The following SMC2 variants were observed in gnomAD, a reference collection of about 807,000 sequenced individuals.
SMC2 encodes structural maintenance of chromosomes 2.
In SMC2, 41 loss-of-function variants were observed where a neutral mutation model predicts 142.6. The observed-to-expected ratio is 0.29, with a 90% confidence interval of 0.22 to 0.37. The LOEUF is 0.37. SMC2 is among the 10% of genes least tolerant of loss of function. The probability of loss-of-function intolerance (pLI) is 1.00; values close to 1 mark genes in which losing one functional copy is unlikely to be tolerated. For missense variants in SMC2, 1,265 were observed against 1,373.7 expected, an observed-to-expected ratio of 0.92 and a Z score of 1.25; for synonymous variants, 463 against 457.5, an observed-to-expected ratio of 1.01 and a Z score of -0.15.
At chr9:104,105,543 T>C (rs371813800) in intron 9 of SMC2, among the ~76,000 whole-genome samples, 4 of 152,270 alleles carry the variant, frequency 2.6e-5, no homozygotes, top group African/African-American at 9.6e-5. Flanking sequence ...TGCAAAACTG[T>C]TCATGAAGCT....
In SMC2 at chr9:104,094,325, C is replaced by A. The variant is rs915949466; in HGVS notation, c.-214C>A. On this transcript the variant is annotated 5_prime_UTR_variant, in exon 1 of 25. Transcript: ENST00000374793. ...CCGAAATTCAAAGGAATAAATAGTTCCGGCGCGGGTGTTGAGAGCGGTGTG... is the reference window on the plus strand; with the variant it reads ...CCGAAATTCAAAGGAATAAATAGTTACGGCGCGGGTGTTGAGAGCGGTGTG... The A allele has an allele frequency of 7.5e-6, 3 of 398,572 alleles. No individual in the cohort carries two copies. The highest frequency in any genetic ancestry group is 1.3e-5 in the Non-Finnish European group (3 of 226,176). 24.7% of individuals were successfully genotyped at this position (398,572 alleles called of 1,614,324 possible).
chr9:104,130,996 A>G lies in SMC2; in HGVS notation c.2992-1013A>G, dbSNP rs189768970. On this transcript the variant is annotated intron_variant, in intron 21 of 24. Coordinates refer to ENST00000374793, the MANE Select transcript of SMC2 (RefSeq NM_006444.3). ...AAAAATAAGATAAAAATGTAGAGAG[A>G]AGGTTAGGGGAGCGTGGCTGTAAAG... 1.6e-3 allele frequency among the ~76,000 whole-genome samples: 246 copies of G among 152,226 alleles called. 4 individuals are homozygous for G. Among genetic ancestry groups the G allele is most frequent in the Admixed American group, 0.014 (211 of 15,270 alleles).
At chr9:104,131,351 A>G (rs1016189988) in intron 21 of SMC2, among the ~76,000 whole-genome samples, 1 of 152,100 alleles carries the variant, frequency 6.6e-6, no homozygotes, top group Non-Finnish European at 1.5e-5. Flanking sequence ...CCTGGGGAGG[A>G]GTTTAATGCC....
chr9:104,138,765 T>G (rs1356954248), intron 24 of SMC2, among the ~76,000 whole-genome samples: 2 of 152,168 alleles, frequency 1.3e-5, no homozygotes, highest in Non-Finnish European at 2.9e-5. Context: ...GGCGGGGCAG[T>G]GCCTAATTAT....
chr9:104,091,805 G>A (rs1829984077), upstream of SMC2, among the ~76,000 whole-genome samples: 1 of 152,004 alleles, frequency 6.6e-6, no homozygotes, highest in South Asian at 2.1e-4. Flanking sequence ...TAGGAGAGTA[G>A]AGCACCAAAT....
At chr9:104,099,419 T>C (rs539403840) in intron 4 of SMC2, among the ~76,000 whole-genome samples, 1 of 151,960 alleles carries the variant, frequency 6.6e-6, no homozygotes, top group East Asian at 1.9e-4. Flanking sequence ...TAATGAATTA[T>C]TTCATTTGTA....
At chr9:104,139,075 TA>T in intron 24 of SMC2, 63 bp from the exon 25 acceptor site, 1 of 1,086,584 alleles carries the variant, frequency 9.2e-7, no homozygotes, top group Non-Finnish European at 1.3e-6. Context: ...ATCACCAGTA[TA>T]AAGGAGTAAA....
At chr9:104,091,491 T>C (rs1054925309), upstream of SMC2, among the ~76,000 whole-genome samples, 1 of 152,198 alleles carries the variant, frequency 6.6e-6, no homozygotes, top group Non-Finnish European at 1.5e-5. Flanking sequence ...CAAAAAGTGC[T>C]GCCAGGCCAC....
At chr9:104,094,499 G>C (rs1380013617) in intron 1 of SMC2, 22 bp downstream of exon 1, 6 of 386,810 alleles carry the variant, frequency 1.6e-5, no homozygotes, top group Admixed American at 8.9e-5. Flanking sequence ...GCGTGAGCAC[G>C]GCCGGTTGGG....
chr9:104,121,888 G>A (rs1369085684), intron 16 of SMC2, among the ~76,000 whole-genome samples: 1 of 152,110 alleles, frequency 6.6e-6, no homozygotes, highest in African/African-American at 2.4e-5. Flanking sequence ...CCAAGTAGCT[G>A]GGATTACAGG....
chr9:104,120,650 A>G (rs10117106), intron 16 of SMC2, among the ~76,000 whole-genome samples: 21,886 of 152,220 alleles, frequency 0.14, 1,820 homozygotes, highest in Non-Finnish European at 0.16. Flanking sequence ...GAATATCAGC[A>G]CTAAAATTTC....
rs1835919513 is a variant in SMC2 at position 104,139,905 on chromosome 9, C to T, written c.*590C>T. On this transcript the variant is annotated 3_prime_UTR_variant, in exon 25 of 25. Coordinates refer to ENST00000374793, the MANE Select transcript of SMC2 (RefSeq NM_006444.3). ...TTTAATGATACATGAATATCATGTT[C>T]CTATACGCTTAATAATTGGTCTCTA... The T allele has an allele frequency of 6.6e-6, 1 of 151,762 alleles. No individual in the cohort carries two copies. The highest frequency in any genetic ancestry group is 1.5e-5 in the Non-Finnish European group (1 of 67,998). 9.4% of individuals were successfully genotyped at this position (151,762 alleles called of 1,614,324 possible).
chr9:104,115,268 T>C (rs148087131), intron 13 of SMC2, among the ~76,000 whole-genome samples: 2,093 of 151,436 alleles, frequency 0.014, 49 homozygotes, highest in African/African-American at 0.048. Context: ...ATTTATTTTA[T>C]ATATATATTT....
intron 17 of SMC2, among the ~76,000 whole-genome samples, chr9:104,124,481 T>G (rs2131484487): frequency 6.6e-6 from 1 of 152,282 alleles, no homozygotes; most frequent in Admixed American, 6.5e-5. Flanking sequence ...AGAAGTTCCC[T>G]GAATATGTAT....
intron 21 of SMC2, among the ~76,000 whole-genome samples, chr9:104,130,459 G>T (rs547244626): frequency 1.3e-5 from 2 of 151,814 alleles, no homozygotes; most frequent in Admixed American, 1.3e-4. Flanking sequence ...TTATATTAAT[G>T]CCCCTATTAA....
chr9:104,115,891 T>G (rs988136419), intron 13 of SMC2, among the ~76,000 whole-genome samples: 1 of 152,126 alleles, frequency 6.6e-6, no homozygotes, highest in Non-Finnish European at 1.5e-5. Flanking sequence ...ATAACCACTA[T>G]CCTACTCTTT....
intron 4 of SMC2, 83 bp from the exon 5 acceptor site, chr9:104,099,561 C>CA (rs1196337064): frequency 1.2e-6 from 1 of 850,948 alleles, no homozygotes; most frequent in East Asian, 2.5e-5. Flanking sequence ...ACAACAGCTT[C>CA]AGTCTAGATA....
upstream of SMC2, among the ~76,000 whole-genome samples, chr9:104,093,314 T>C (rs1196807232): frequency 6.6e-6 from 1 of 152,132 alleles, no homozygotes; most frequent in African/African-American, 2.4e-5. Flanking sequence ...GAACAATACA[T>C]ACTAATAATA....
At chr9:104,118,764 A>T (rs1833406196) in intron 15 of SMC2, among the ~76,000 whole-genome samples, 1 of 152,180 alleles carries the variant, frequency 6.6e-6, no homozygotes, top group Non-Finnish European at 1.5e-5. Context: ...CATTTAATTA[A>T]GTTAAAAGTA....
Sources: gnomAD v4.1 joint callset for allele counts (sites outside exome capture counted in the v4.1 genomes callset) on GRCh38, gnomAD v4.1.1 for gene constraint, MANE v1.5 for transcripts, NCBI Gene and HGNC (gene_info 2026-07-23, HGNC 2026-07-21) for gene names.